RANBP2: variants seen among roughly 807,000 people sequenced by gnomAD.
The protein encoded by RANBP2 is RAN binding protein 2.
In RANBP2, 57 loss-of-function variants were observed where a neutral mutation model predicts 303.6. The ratio of observed to expected loss-of-function variants is 0.19; its 90% CI spans 0.15 to 0.23. The LOEUF (loss-of-function observed/expected upper bound fraction) is 0.23, where lower values mean the gene tolerates loss of function less well. Among genes scored for constraint, RANBP2 ranks in the 10% least tolerant of loss-of-function variants. The pLI, the probability that RANBP2 is intolerant of heterozygous loss-of-function variation, is 1.00. For missense variants in RANBP2, 3,138 were observed against 3,780.8 expected, an observed-to-expected ratio of 0.83 and a Z score of 4.46; for synonymous variants, 1,167 against 1,301.5, an observed-to-expected ratio of 0.90 and a Z score of 2.23.
At chr2:109,319,743 C>A in the RANBP2 span, among the ~76,000 whole-genome samples, 1 of 152,256 alleles carries the variant, frequency 6.6e-6, no homozygotes, top group Non-Finnish European at 1.5e-5. Flanking sequence ...TGCCTGCCCC[C>A]AGCCTGTCCA....
the RANBP2 span, among the ~76,000 whole-genome samples, chr2:109,649,077 C>T: frequency 2.0e-5 from 3 of 152,120 alleles, no homozygotes; most frequent in Admixed American, 6.6e-5. Flanking sequence ...ACTACTTTCA[C>T]CCCAAAAAGA....
the RANBP2 span, among the ~76,000 whole-genome samples, chr2:109,342,430 A>T: frequency 2.6e-5 from 4 of 152,350 alleles, no homozygotes; most frequent in African/African-American, 9.6e-5. Flanking sequence ...TGAGCAAAAC[A>T]GGCGAGAATC....
At chr2:109,598,690 A>G in the RANBP2 span, among the ~76,000 whole-genome samples, 1 of 151,852 alleles carries the variant, frequency 6.6e-6, no homozygotes, top group Non-Finnish European at 1.5e-5. Flanking sequence ...TAAAAATACA[A>G]AAATTAGCCA....
At chr2:109,187,372 T>TTA in the RANBP2 span, among the ~76,000 whole-genome samples, 4 of 151,740 alleles carry the variant, frequency 2.6e-5, no homozygotes, top group Non-Finnish European at 1.5e-5. Flanking sequence ...TTTTTTTTTT[T>TTA]AAAGGTATTA....
chr2:109,705,194 C>T, the RANBP2 span, among the ~76,000 whole-genome samples: 8 of 151,948 alleles, frequency 5.3e-5, no homozygotes, highest in Non-Finnish European at 1.0e-4. Flanking sequence ...CCCCTGAGTT[C>T]GGGAGTTCTA....
chr2:109,489,741 G>A, the RANBP2 span, among the ~76,000 whole-genome samples: 25 of 129,588 alleles, frequency 1.9e-4, no homozygotes, highest in African/African-American at 5.6e-4. Flanking sequence ...TTTTTTTGGC[G>A]GGGGGTGGGC....
chr2:108,748,804 A>G, intron 8 of RANBP2, 116 bp from the exon 9 acceptor site: 4 of 1,593,118 alleles, frequency 2.5e-6, no homozygotes, highest in Non-Finnish European at 3.4e-6. Flanking sequence ...TTTGGGTTGG[A>G]GGGTTAGGTA....
At chr2:109,626,333 T>C in the RANBP2 span, among the ~76,000 whole-genome samples, 1 of 151,868 alleles carries the variant, frequency 6.6e-6, no homozygotes, top group Non-Finnish European at 1.5e-5. Context: ...TACAAAAAAT[T>C]AGCCATGTGC....
At chr2:109,492,283 C>T in the RANBP2 span, among the ~76,000 whole-genome samples, 22 of 152,290 alleles carry the variant, frequency 1.4e-4, no homozygotes, top group Non-Finnish European at 2.5e-4. Flanking sequence ...ACAAATTAGC[C>T]GCAGGCGCAG....
chr2:109,077,566 G>T, the RANBP2 span, among the ~76,000 whole-genome samples: 1 of 150,334 alleles, frequency 6.7e-6, no homozygotes, highest in Non-Finnish European at 1.5e-5. Context: ...ATCTGATAAG[G>T]GTGTTAGTAT....
the RANBP2 span, among the ~76,000 whole-genome samples, chr2:109,306,849 T>C: frequency 6.6e-6 from 1 of 152,190 alleles, no homozygotes; most frequent in African/African-American, 2.4e-5. Context: ...GTATGTTGAG[T>C]AAGCTGCAGG....
the RANBP2 span, among the ~76,000 whole-genome samples, chr2:109,022,694 C>T: frequency 6.6e-6 from 1 of 152,108 alleles, no homozygotes; most frequent in African/African-American, 2.4e-5. Context: ...GCCTAGCCTT[C>T]GTCACTACAC....
the RANBP2 span, among the ~76,000 whole-genome samples, chr2:109,172,960 C>G: frequency 6.6e-6 from 1 of 152,240 alleles, no homozygotes; most frequent in African/African-American, 2.4e-5. Flanking sequence ...TGGGAACACA[C>G]TGAGTGTCAT....
chr2:109,140,737 C>T, the RANBP2 span, among the ~76,000 whole-genome samples: 77 of 152,252 alleles, frequency 5.1e-4, no homozygotes, highest in Non-Finnish European at 9.9e-4. Flanking sequence ...TGCAAAAGGC[C>T]TATGTGCTCT....
At chr2:109,222,647 T>C in the RANBP2 span, among the ~76,000 whole-genome samples, 1 of 152,210 alleles carries the variant, frequency 6.6e-6, no homozygotes, top group South Asian at 2.1e-4. Context: ...CCTGGTGGCC[T>C]ATGCTGGCCC....
intron 1 of RANBP2, among the ~76,000 whole-genome samples, chr2:108,724,248 C>T (rs572008234): frequency 2.0e-5 from 3 of 151,992 alleles, no homozygotes; most frequent in Non-Finnish European, 4.4e-5. Flanking sequence ...CTGCAACTTC[C>T]GCCTCCCGGG....
the RANBP2 span, among the ~76,000 whole-genome samples, chr2:109,289,880 G>C: frequency 4.6e-5 from 7 of 152,240 alleles, no homozygotes; most frequent in African/African-American, 1.7e-4. Flanking sequence ...TTGCGGGTTT[G>C]AACCAGAGGA....
the RANBP2 span, among the ~76,000 whole-genome samples, chr2:109,061,680 C>A: frequency 6.6e-6 from 1 of 152,052 alleles, no homozygotes; most frequent in South Asian, 2.1e-4. Context: ...TCATAGTAGC[C>A]TTGGATGTTG....
the RANBP2 span, among the ~76,000 whole-genome samples, chr2:109,024,217 G>GA: frequency 6.6e-6 from 1 of 152,218 alleles, no homozygotes. Context: ...GAGCCACCAT[G>GA]TCTGGCCCAC....
Sources: allele counts gnomAD v4.1 joint callset (sites outside exome capture counted in the v4.1 genomes callset), GRCh38; gene constraint gnomAD v4.1.1; transcripts MANE v1.5; gene names NCBI Gene and HGNC (gene_info 2026-07-23, HGNC 2026-07-21).